The following CNBD1 variants were observed in gnomAD, a reference collection of about 807,000 sequenced individuals.
The protein encoded by CNBD1 is cyclic nucleotide-binding domain-containing protein 1.
A neutral mutation model predicts 54.4 loss-of-function variants in CNBD1; 71 were observed. The ratio of observed to expected loss-of-function variants is 1.30; its 90% CI spans 1.08 to 1.59. The LOEUF is 1.59. CNBD1 is among the 40% of genes most tolerant of loss of function. The pLI, the probability that CNBD1 is intolerant of heterozygous loss-of-function variation, is 0.00. For synonymous variants in CNBD1, 182 were observed against 170.7 expected, an observed-to-expected ratio of 1.07 and a Z score of -0.51; for missense variants, 659 against 518.0, an observed-to-expected ratio of 1.27 and a Z score of -2.64.
intron 8 of CNBD1, among the ~76,000 whole-genome samples, chr8:87,342,463 A>G (rs115785341): frequency 0.019 from 2,883 of 152,258 alleles, 101 homozygotes; most frequent in African/African-American, 0.066. Flanking sequence ...ATTATTTTAG[A>G]AAATGTAATT....
intron 2 of CNBD1, among the ~76,000 whole-genome samples, chr8:86,894,251 C>T (rs1808817343): frequency 6.7e-6 from 1 of 148,556 alleles, no homozygotes; most frequent in African/African-American, 2.5e-5. Context: ...TTAGTAGAGA[C>T]GGGGTTTCAC....
chr8:87,298,005 C>T (rs2130879757), intron 8 of CNBD1, among the ~76,000 whole-genome samples: 1 of 151,368 alleles, frequency 6.6e-6, no homozygotes, highest in East Asian at 1.9e-4. Context: ...TAGACATTAA[C>T]ATATTAATAA....
At chr8:87,416,760 C>T (rs1807844479) in intron 2 of CNBD1, among the ~76,000 whole-genome samples, 1 of 151,868 alleles carries the variant, frequency 6.6e-6, no homozygotes, top group Non-Finnish European at 1.5e-5. Flanking sequence ...AAAATTGAGG[C>T]AGATAATAGG....
intron 4 of CNBD1, among the ~76,000 whole-genome samples, chr8:87,202,021 G>C (rs951765944): frequency 7.2e-5 from 11 of 152,096 alleles, no homozygotes; most frequent in Non-Finnish European, 1.3e-4. Flanking sequence ...ATACAAAATA[G>C]ACATCATTTT....
chr8:87,305,657 AG>A (rs1455687323), intron 8 of CNBD1, among the ~76,000 whole-genome samples: 27 of 152,296 alleles, frequency 1.8e-4, no homozygotes, highest in African/African-American at 5.8e-4. Flanking sequence ...AAGTAGGGAA[AG>A]GAACCCTCTT....
intron 4 of CNBD1, among the ~76,000 whole-genome samples, chr8:87,058,544 G>A (rs909621322): frequency 1.3e-5 from 2 of 152,150 alleles, no homozygotes; most frequent in African/African-American, 4.8e-5. Flanking sequence ...CTGAAATCTA[G>A]GTGGAGGTTC....
intron 4 of CNBD1, among the ~76,000 whole-genome samples, chr8:87,198,779 G>A (rs372491415): frequency 2.0e-5 from 3 of 152,298 alleles, no homozygotes; most frequent in African/African-American, 7.2e-5. Context: ...TACAGAATTA[G>A]AGGAAAGTAT....
At chr8:87,226,682 AGGTGT>A (rs1287563462) in intron 5 of CNBD1, among the ~76,000 whole-genome samples, 6 of 151,872 alleles carry the variant, frequency 4.0e-5, no homozygotes, top group Non-Finnish European at 7.4e-5. Context: ...ATTTTGGAAT[AGGTGT>A]GGTGTGGTGC....
intron 2 of CNBD1, among the ~76,000 whole-genome samples, chr8:87,414,231 A>G (rs1807799900): frequency 6.6e-6 from 1 of 152,138 alleles, no homozygotes; most frequent in South Asian, 2.1e-4. Flanking sequence ...AGGGACATGG[A>G]TGAAACTGGA....
intron 10 of CNBD1, 155 bp downstream of exon 10, chr8:87,353,941 T>A: frequency 1.9e-6 from 1 of 517,326 alleles, no homozygotes; most frequent in Non-Finnish European, 3.4e-6. Context: ...CCAGATCATT[T>A]CTCTCTTGGT....
At chr8:87,360,127 C>A (rs1054596549) in intron 10 of CNBD1, among the ~76,000 whole-genome samples, 1 of 151,832 alleles carries the variant, frequency 6.6e-6, no homozygotes, top group African/African-American at 2.4e-5. Flanking sequence ...TTGGTAAATA[C>A]CCAAAGAGAG....
At position 87,071,331 on chromosome 8, in the gene CNBD1, A is replaced by G. The variant is rs138524654; in HGVS notation, c.431+131577A>G. Among the ~76,000 whole-genome samples, 392 of 152,206 alleles carry G rather than the reference A, an allele frequency of 2.6e-3. 1 individual carries two copies. Among genetic ancestry groups the G allele is most frequent in the African/African-American group, 8.6e-3 (359 of 41,542 alleles). On this transcript the variant is annotated intron_variant, in intron 4 of 10. Coordinates refer to ENST00000518476, the MANE Select transcript of CNBD1 (RefSeq NM_173538.3). ...GTTCTACATGTGGCAATGGAGCCTC[A>G]ACTTTGCTCATTGCTGCAATTCAGA... is the stretch of plus-strand genomic sequence containing the variant.
At position 86,894,427 on chromosome 8, in the gene CNBD1, A is replaced by G. The variant is rs144899891; in HGVS notation, c.158+6816A>G. On this transcript the variant is annotated intron_variant, in intron 2 of 10. Coordinates refer to ENST00000518476, the MANE Select transcript of CNBD1 (RefSeq NM_173538.3). The stretch of plus-strand genomic sequence containing the variant: ...TGAGTAGAAAGTATAATTTCCATAC[A>G]TACCTTGACCCCTCCTTCCTAGTTT... 6.5e-3 allele frequency among the ~76,000 whole-genome samples: 991 copies of G among 152,340 alleles called. 12 individuals are homozygous for G. Among genetic ancestry groups the G allele is most frequent in the South Asian group, 0.013 (61 of 4,832 alleles).
intron 4 of CNBD1, among the ~76,000 whole-genome samples, chr8:87,080,637 TC>T (rs1264366082): frequency 6.6e-6 from 1 of 152,160 alleles, no homozygotes; most frequent in Non-Finnish European, 1.5e-5. Context: ...AGGATTTGAA[TC>T]ATTTTTTAGT....
chr8:86,953,727 C>T (rs1479278189), intron 4 of CNBD1, among the ~76,000 whole-genome samples: 13 of 152,038 alleles, frequency 8.6e-5, no homozygotes, highest in Admixed American at 8.5e-4. Context: ...ATTAGCCAGG[C>T]ATGATGGTGG....
At chr8:86,923,248 C>G (rs945145464) in intron 3 of CNBD1, among the ~76,000 whole-genome samples, 1 of 152,146 alleles carries the variant, frequency 6.6e-6, no homozygotes, top group Non-Finnish European at 1.5e-5. Context: ...TATCAGTTAT[C>G]CTTGTCTCGA....
intron 10 of CNBD1, among the ~76,000 whole-genome samples, chr8:87,365,471 A>G (rs10283270): frequency 0.4 from 60,728 of 151,774 alleles, 12,401 homozygotes; most frequent in Middle Eastern, 0.46. Context: ...TAAAAAAGCC[A>G]CAGTAAAATG....
At chr8:87,377,529 C>T (rs1810974778) in intron 10 of CNBD1, among the ~76,000 whole-genome samples, 2 of 151,944 alleles carry the variant, frequency 1.3e-5, no homozygotes, top group South Asian at 2.1e-4. Flanking sequence ...ATATGTGCCA[C>T]ATTTTCTTAA....
chr8:87,427,762 C>G (rs1167454835), intron 2 of CNBD1, among the ~76,000 whole-genome samples: 1 of 152,138 alleles, frequency 6.6e-6, no homozygotes, highest in African/African-American at 2.4e-5. Flanking sequence ...TTGGCTCTTT[C>G]TGTGTTTTCA....
Sources: gnomAD v4.1 joint callset for allele counts (sites outside exome capture counted in the v4.1 genomes callset) on GRCh38, gnomAD v4.1.1 for gene constraint, MANE v1.5 for transcripts, NCBI Gene and HGNC (gene_info 2026-07-23, HGNC 2026-07-21) for gene names.